Variants in HPCAL1 observed in about 807,000 individuals in gnomAD.
HPCAL1 encodes the protein hippocalcin-like protein 1.
A neutral mutation model predicts 17.1 loss-of-function variants in HPCAL1; 8 were observed. That is an observed-to-expected ratio of 0.47 (90% CI 0.27 to 0.84). The LOEUF (loss-of-function observed/expected upper bound fraction) is 0.84, where lower values mean the gene tolerates loss of function less well. Ranked by LOEUF, HPCAL1 falls within the 40% of genes least tolerant of loss-of-function variation. The probability of loss-of-function intolerance (pLI) is 0.13; values close to 1 mark genes in which losing one functional copy is unlikely to be tolerated. For synonymous variants in HPCAL1, 112 were observed against 111.4 expected, an observed-to-expected ratio of 1.01 and a Z score of -0.03; for missense variants, 165 against 271.1, an observed-to-expected ratio of 0.61 and a Z score of 2.75.
chr2:10,373,066 C>G (rs1667325561), intron 1 of HPCAL1, among the ~76,000 whole-genome samples: 1 of 152,268 alleles, frequency 6.6e-6, no homozygotes, highest in Admixed American at 6.5e-5. Context: ...TGAGGCTCAG[C>G]CACACGGCTG....
intron 3 of HPCAL1, among the ~76,000 whole-genome samples, chr2:10,422,699 G>A (rs1237672409): frequency 3.3e-5 from 5 of 152,182 alleles, no homozygotes; most frequent in Non-Finnish European, 7.3e-5. Context: ...GCCCCCGACA[G>A]GGACACTTAG....
Position 10,323,188 on chromosome 2 carries a change from C to T in HPCAL1, c.-111+20011C>T, listed in dbSNP as rs1663785609. On this transcript the variant is annotated intron_variant, in intron 1 of 4. Transcript: ENST00000307845. This position sits in a 1 kb window ranked among gnomAD's most constrained non-coding sequence, Gnocchi z 4.6. Reference sequence around the variant, plus strand: ...TCCCCCGGTTCCCCAGACGCGTTCCCCACGGAGTCCCAGCGTGTATGCATG... The same window carrying T: ...TCCCCCGGTTCCCCAGACGCGTTCCTCACGGAGTCCCAGCGTGTATGCATG... 6.6e-6 allele frequency among the ~76,000 whole-genome samples: 1 copy of T among 152,220 alleles called. No homozygotes were observed. The highest frequency in any genetic ancestry group is 1.9e-4 in the East Asian group (1 of 5,188).
At chr2:10,376,276 G>A (rs115195441) in intron 1 of HPCAL1, among the ~76,000 whole-genome samples, 847 of 152,270 alleles carry the variant, frequency 5.6e-3, no homozygotes, top group Non-Finnish European at 9.7e-3. Context: ...TAACACATTA[G>A]CCATAGCCAT....
chr2:10,327,591 A>AAGTGTTAGTTGAATTTGTGTTCATAAC (rs1308377330), intron 1 of HPCAL1, among the ~76,000 whole-genome samples: 3 of 152,356 alleles, frequency 2.0e-5, no homozygotes, highest in African/African-American at 7.2e-5. Flanking sequence ...GTATATATTC[A>AAGTGTTAGTTGAATTTGTGTTCATAAC]ACTAACTGCA....
Position 10,330,345 on chromosome 2 carries a change from G to A in HPCAL1, c.-111+27168G>A, listed in dbSNP as rs1369540945. ...AGTCCTCATAGGAGAGTGGCGAAGGGCAGCAGCTTTGGAGCAAGGGCCACC... is the reference window on the plus strand; with the variant it reads ...AGTCCTCATAGGAGAGTGGCGAAGGACAGCAGCTTTGGAGCAAGGGCCACC... On this transcript the variant is annotated intron_variant, in intron 1 of 4. Coordinates refer to ENST00000307845, the MANE Select transcript of HPCAL1 (RefSeq NM_002149.4). The surrounding 1 kb of genome is among the most constrained non-coding windows in gnomAD (Gnocchi z 4.2). 3 of 152,220 alleles carry A rather than the reference G, an allele frequency of 2.0e-5. No individual in the cohort carries two copies. Among genetic ancestry groups the A allele is most frequent in the Non-Finnish European group, 4.4e-5 (3 of 68,060 alleles). The allele number at this position is 152,220 out of a possible 1,614,324, so 9.4% of individuals were successfully genotyped here. A position where few individuals can be genotyped will look rare whatever the true frequency, so the allele number is the denominator to read the frequency against.
intron 1 of HPCAL1, among the ~76,000 whole-genome samples, chr2:10,358,653 C>T (rs954587793): frequency 2.0e-5 from 3 of 152,214 alleles, no homozygotes; most frequent in Non-Finnish European, 4.4e-5. Context: ...GAAGAGCACA[C>T]AACAGATGCC....
chr2:10,307,922 G>A (rs1445250996), intron 1 of HPCAL1, among the ~76,000 whole-genome samples: 1 of 152,170 alleles, frequency 6.6e-6, no homozygotes, highest in Non-Finnish European at 1.5e-5. Flanking sequence ...TTCTCTTAAC[G>A]CAGTAAGTGC....
intron 1 of HPCAL1, among the ~76,000 whole-genome samples, chr2:10,349,204 C>G (rs1429384224): frequency 6.6e-6 from 1 of 152,126 alleles, no homozygotes; most frequent in Non-Finnish European, 1.5e-5. Context: ...ATTTTACATA[C>G]TTGTTCTCTA....
In HPCAL1 at chr2:10,419,256, G is replaced by GA. The variant is rs1308453077; in HGVS notation, c.-24-477dup. Among the ~76,000 whole-genome samples the GA allele has an allele frequency of 2.6e-5, 4 of 152,024 alleles. No individual in the cohort carries two copies. The highest frequency in any genetic ancestry group is 5.9e-5 in the Non-Finnish European group (4 of 68,002). ...ACAAATAAAGAAGGTGGGTGGGGGTGACTCCCTGAAAGTTTCTAGACGCCT... is the reference window on the plus strand; with the variant it reads ...ACAAATAAAGAAGGTGGGTGGGGGTGAACTCCCTGAAAGTTTCTAGACGCCT... On this transcript the variant is annotated intron_variant, in intron 2 of 4. Coordinates refer to ENST00000307845, the MANE Select transcript of HPCAL1 (RefSeq NM_002149.4). The surrounding 1 kb of genome is among the most constrained non-coding windows in gnomAD (Gnocchi z 5.0).
Position 10,362,471 on chromosome 2 carries a change from G to C in HPCAL1, c.-110-34364G>C, listed in dbSNP as rs1054525037. Among the ~76,000 whole-genome samples the C allele has an allele frequency of 6.6e-6, 1 of 152,186 alleles. No individual in the cohort carries two copies. The highest frequency in any genetic ancestry group is 1.5e-5 in the Non-Finnish European group (1 of 68,032). On this transcript the variant is annotated intron_variant, in intron 1 of 4. Transcript: ENST00000307845. This position sits in a 1 kb window ranked among gnomAD's most constrained non-coding sequence, Gnocchi z 5.0. ...TAGACCCCCCGGAATGCAGGGGGCC[G>C]GGCTGAGCAAGAGGAGGAGAGGACA...
intron 1 of HPCAL1, among the ~76,000 whole-genome samples, chr2:10,316,677 A>C (rs1441682181): frequency 6.6e-6 from 1 of 152,246 alleles, no homozygotes; most frequent in African/African-American, 2.4e-5. Context: ...GATTAATTCC[A>C]GGGTGAACAA....
chr2:10,390,879 C>T (rs1668645186), intron 1 of HPCAL1, among the ~76,000 whole-genome samples: 1 of 152,220 alleles, frequency 6.6e-6, no homozygotes, highest in Non-Finnish European at 1.5e-5. Flanking sequence ...GCAGCCTGGG[C>T]TGTTTCTGGA....
At chr2:10,412,786 T>C (rs1670434750) in intron 2 of HPCAL1, among the ~76,000 whole-genome samples, 1 of 152,192 alleles carries the variant, frequency 6.6e-6, no homozygotes, top group South Asian at 2.1e-4. Flanking sequence ...GGGCCCCAGT[T>C]GCCCTGTTTC....
intron 2 of HPCAL1, among the ~76,000 whole-genome samples, chr2:10,410,576 T>G (rs1297380321): frequency 6.6e-6 from 1 of 151,386 alleles, no homozygotes; most frequent in Non-Finnish European, 1.5e-5. Context: ...CAACGTCATC[T>G]CTGATGCCCT....
Position 10,419,021 on chromosome 2 carries a change from C to T in HPCAL1, c.-24-713C>T, listed in dbSNP as rs1168564638. 2.6e-5 allele frequency among the ~76,000 whole-genome samples: 4 copies of T among 151,976 alleles called. No individual in the cohort carries two copies. The highest frequency in any genetic ancestry group is 5.9e-5 in the Non-Finnish European group (4 of 68,018). On this transcript the variant is annotated intron_variant, in intron 2 of 4. Transcript: ENST00000307845. This position sits in a 1 kb window ranked among gnomAD's most constrained non-coding sequence, Gnocchi z 5.0. ...GGTCTGGAGTTCGAGACCAGCCTGG[C>T]CAACATGGTGAAACCCTGTCTCTAC...
chr2:10,404,309 T>G (rs140899116), intron 2 of HPCAL1, among the ~76,000 whole-genome samples: 1 of 152,290 alleles, frequency 6.6e-6, no homozygotes, highest in East Asian at 1.9e-4. Context: ...CATGCCCTTT[T>G]GCCTCCCAGC....
At chr2:10,370,053 T>C (rs867126442) in intron 1 of HPCAL1, among the ~76,000 whole-genome samples, 55 of 152,370 alleles carry the variant, frequency 3.6e-4, no homozygotes, top group African/African-American at 1.3e-3. Flanking sequence ...GGCACATAGA[T>C]ACTGTATTTG....
intron 1 of HPCAL1, among the ~76,000 whole-genome samples, chr2:10,380,578 T>C (rs1056974208): frequency 1.3e-5 from 2 of 152,222 alleles, no homozygotes; most frequent in African/African-American, 4.8e-5. Flanking sequence ...CCTGCAGGGC[T>C]GAGCTACTTC....
At chr2:10,396,214 T>A (rs544473700) in intron 1 of HPCAL1, among the ~76,000 whole-genome samples, 91 of 152,296 alleles carry the variant, frequency 6.0e-4, no homozygotes, top group African/African-American at 1.9e-3. Flanking sequence ...CCTGAGCACC[T>A]AGTGTGTGCC....
Sources: allele counts gnomAD v4.1 joint callset (sites outside exome capture counted in the v4.1 genomes callset), GRCh38; gene constraint gnomAD v4.1.1; non-coding constraint Gnocchi (gnomAD v3.1); transcripts MANE v1.5; gene names NCBI Gene and HGNC (gene_info 2026-07-23, HGNC 2026-07-21).